The following SUMF1 variants were observed in gnomAD, a reference collection of about 807,000 sequenced individuals.
The protein encoded by SUMF1 is sulfatase modifying factor 1.
SUMF1 carries 48 observed loss-of-function variants against 47.6 expected under a neutral mutation model. The observed-to-expected ratio is 1.01, with a 90% CI of 0.80 to 1.28. The LOEUF is 1.28. Ranked by LOEUF, SUMF1 falls within the 50% of genes most tolerant of loss-of-function variation. SUMF1 has a pLI of 0.00. For missense variants in SUMF1, 571 were observed against 485.4 expected (o/e 1.18, Z -1.66); for synonymous variants, 230 against 192.1 (o/e 1.20, Z -1.63).
At chr3:4,273,095 C>CAT (rs534539864) in intron 8 of SUMF1, among the ~76,000 whole-genome samples, 28 of 148,490 alleles carry the variant, frequency 1.9e-4, no homozygotes, top group Middle Eastern at 3.6e-3. Flanking sequence ...TATATACACA[C>CAT]ATATATATAT....
At chr3:4,401,134 G>T (rs934286257) in intron 7 of SUMF1, among the ~76,000 whole-genome samples, 1 of 151,964 alleles carries the variant, frequency 6.6e-6, no homozygotes, top group Admixed American at 6.6e-5. Context: ...TCCCTACAAA[G>T]GACATGAACT....
chr3:4,195,623 G>C (rs1278057876), intron 8 of SUMF1, among the ~76,000 whole-genome samples: 1 of 152,136 alleles, frequency 6.6e-6, no homozygotes, highest in Non-Finnish European at 1.5e-5. Context: ...CCAGGTAGTA[G>C]GAATTATGAA....
intron 3 of SUMF1, among the ~76,000 whole-genome samples, chr3:4,434,006 G>A (rs1702317414): frequency 6.6e-6 from 1 of 152,238 alleles, no homozygotes; most frequent in Non-Finnish European, 1.5e-5. Flanking sequence ...GATGAACCTT[G>A]AGGACGTGAT....
chr3:4,278,818 T>C (rs1199764832), intron 8 of SUMF1, among the ~76,000 whole-genome samples: 1 of 152,146 alleles, frequency 6.6e-6, no homozygotes, highest in East Asian at 1.9e-4. Flanking sequence ...ATTGTATTTA[T>C]TTATAATGGT....
chr3:4,156,236 C>A (rs1359548450), intron 8 of SUMF1, among the ~76,000 whole-genome samples: 1 of 151,386 alleles, frequency 6.6e-6, no homozygotes, highest in Non-Finnish European at 1.5e-5. Context: ...AAACACAAGG[C>A]CTGCAGAAGG....
chr3:4,259,779 C>G (rs7629358), intron 8 of SUMF1, among the ~76,000 whole-genome samples: 1 of 151,832 alleles, frequency 6.6e-6, no homozygotes, highest in Admixed American at 6.6e-5. Context: ...TTTCAGATTA[C>G]AAAAGTATCA....
intron 8 of SUMF1, among the ~76,000 whole-genome samples, chr3:4,271,895 A>C (rs568847518): frequency 6.6e-6 from 1 of 152,016 alleles, no homozygotes. Context: ...CTTCTCTTAG[A>C]GCACGCAAAT....
At chr3:4,356,077 C>T (rs991482132) in intron 8 of SUMF1, among the ~76,000 whole-genome samples, 2 of 152,124 alleles carry the variant, frequency 1.3e-5, no homozygotes, top group African/African-American at 4.8e-5. Flanking sequence ...AAACACAAGT[C>T]AGAGGAAGGA....
At chr3:4,073,278 C>A (rs1286270869) in intron 8 of SUMF1, among the ~76,000 whole-genome samples, 1 of 152,132 alleles carries the variant, frequency 6.6e-6, no homozygotes, top group African/African-American at 2.4e-5. Flanking sequence ...TACAGAGAAG[C>A]AAATGCTGAG....
intron 8 of SUMF1, among the ~76,000 whole-genome samples, chr3:4,334,443 C>G (rs1699106707): frequency 6.6e-6 from 1 of 152,204 alleles, no homozygotes; most frequent in Non-Finnish European, 1.5e-5. Flanking sequence ...ACCCCAAAGA[C>G]AGCTCAGAGA....
At chr3:4,180,775 C>T (rs1212596959) in intron 8 of SUMF1, among the ~76,000 whole-genome samples, 1 of 149,262 alleles carries the variant, frequency 6.7e-6, no homozygotes, top group Admixed American at 6.7e-5. Flanking sequence ...ATCACCTTAG[C>T]CTGGGAGGTT....
intron 8 of SUMF1, among the ~76,000 whole-genome samples, chr3:4,253,976 C>A (rs1340083810): frequency 6.6e-6 from 1 of 150,976 alleles, no homozygotes; most frequent in African/African-American, 2.4e-5. Context: ...AGCAGCCTAA[C>A]TGGGAGGCAC....
intron 8 of SUMF1, among the ~76,000 whole-genome samples, chr3:4,253,661 G>C (rs1034971463): frequency 2.0e-5 from 3 of 151,654 alleles, no homozygotes; most frequent in Non-Finnish European, 4.4e-5. Context: ...TGATCAAACT[G>C]CAAGGCGGCA....
At chr3:4,144,083 T>C (rs971559615) in intron 8 of SUMF1, among the ~76,000 whole-genome samples, 2 of 150,618 alleles carry the variant, frequency 1.3e-5, no homozygotes, top group Admixed American at 1.3e-4. Context: ...CTCTACCTCC[T>C]GGGCTCAAGC....
intron 8 of SUMF1, among the ~76,000 whole-genome samples, chr3:4,141,911 T>C (rs1241315589): frequency 6.6e-6 from 1 of 152,112 alleles, no homozygotes; most frequent in East Asian, 1.9e-4. Context: ...GGTGGAGCCC[T>C]AGGAACCCAC....
chr3:4,368,795 C>G (rs1700072659), intron 8 of SUMF1, among the ~76,000 whole-genome samples: 1 of 152,156 alleles, frequency 6.6e-6, no homozygotes, highest in African/African-American at 2.4e-5. Context: ...CTTCAAAAGC[C>G]TCCACATGCC....
At chr3:4,369,724 C>G (rs1202296464) in intron 8 of SUMF1, among the ~76,000 whole-genome samples, 1 of 152,122 alleles carries the variant, frequency 6.6e-6, no homozygotes, top group South Asian at 2.1e-4. Context: ...GCCATACATC[C>G]AGAAACTCTG....
chr3:4,046,771 C>T (rs1044784591), intron 9 of SUMF1, among the ~76,000 whole-genome samples: 1 of 152,174 alleles, frequency 6.6e-6, no homozygotes, highest in Non-Finnish European at 1.5e-5. Context: ...AAACTCTTAA[C>T]TGTCTCTCTG....
intron 8 of SUMF1, among the ~76,000 whole-genome samples, chr3:4,305,382 G>A (rs1021751334): frequency 3.3e-5 from 5 of 152,226 alleles, no homozygotes; most frequent in South Asian, 2.1e-4. Context: ...CACCGCACCC[G>A]GCCATGTAGA....
Sources: allele counts gnomAD v4.1 joint callset (sites outside exome capture counted in the v4.1 genomes callset), GRCh38; gene constraint gnomAD v4.1.1; transcripts MANE v1.5; gene names NCBI Gene and HGNC (gene_info 2026-07-23, HGNC 2026-07-21).